Variants in KIRREL3 observed in about 807,000 individuals in gnomAD.
The protein encoded by KIRREL3 is kirre like nephrin family adhesion molecule 3.
Under a neutral mutation model 89.7 loss-of-function variants are expected in KIRREL3, and 36 were observed. That is an observed-to-expected ratio of 0.40 (90% CI 0.31 to 0.53). The LOEUF is 0.53. Among genes scored for constraint, KIRREL3 ranks in the 20% least tolerant of loss-of-function variants. The pLI is 0.49. For missense variants in KIRREL3, 864 were observed against 1,056.6 expected (o/e 0.82, Z 2.53); for synonymous variants, 445 against 441.4 (o/e 1.01, Z -0.10).
At position 126,432,936 on chromosome 11, in the gene KIRREL3, T is replaced by C. The variant is rs568771363; in HGVS notation, c.1589-1410A>G. ...CTGTGACACCCAGGCTGGAGGGCAG[T>C]GGCACGATCTCAGTTCACTGCAACC... On this transcript the variant is annotated intron_variant, in intron 13 of 16. Transcript: ENST00000525144. This position sits in a 1 kb window ranked among gnomAD's most constrained non-coding sequence, Gnocchi z 6.2. Among the ~76,000 whole-genome samples, 6 of 152,316 alleles carry C rather than the reference T, an allele frequency of 3.9e-5. No homozygotes were observed. The South Asian group carries it at 1.2e-3, about 32-fold the overall frequency.
At position 126,876,420 on chromosome 11, in the gene KIRREL3, C is replaced by T. The variant is rs1157745419; in HGVS notation, c.55+124035G>A. Among the ~76,000 whole-genome samples the T allele has an allele frequency of 6.6e-6, 1 of 152,094 alleles. No homozygotes were observed. Among genetic ancestry groups the T allele is most frequent in the Non-Finnish European group, 1.5e-5 (1 of 68,024 alleles). On this transcript the variant is annotated intron_variant, in intron 1 of 16. Transcript: ENST00000525144. This position sits in a 1 kb window ranked among gnomAD's most constrained non-coding sequence, Gnocchi z 4.1. The stretch of plus-strand genomic sequence containing the variant: ...TGGATAATTTCATCCTACAGCACAC[C>T]CAGGGAGAAAGAAGCCACATAGCTG...
rs992090549 is a variant in KIRREL3, at chr11:127,000,748, C to T, written c.-239G>A. On this transcript the variant is annotated 5_prime_UTR_variant, in exon 1 of 17. Transcript: ENST00000525144. The surrounding 1 kb of genome is among the most constrained non-coding windows in gnomAD (Gnocchi z 7.1). ...AAGCCGGGATTGTCAGCAATGTCCC[C>T]ACTCGGAGAAGATCCATTCTCTGGC... 5.6e-6 allele frequency: 3 copies of T among 532,524 alleles called. No homozygotes were observed. The highest frequency in any genetic ancestry group is 6.6e-6 in the Non-Finnish European group (2 of 301,810). The allele number at this position is 532,524 out of a possible 1,614,324, so 33.0% of individuals were successfully genotyped here. A position where few individuals can be genotyped will look rare whatever the true frequency, so the allele number is the denominator to read the frequency against.
Position 126,682,386 on chromosome 11 carries a change from C to T in KIRREL3, c.56-119474G>A, listed in dbSNP as rs537619608. ...AAAATGAGGATGATAATATCCTCCT[C>T]CCAGTGTTGCTGGGAGGATGAAGTG... On this transcript the variant is annotated intron_variant, in intron 1 of 16. Transcript: ENST00000525144. This position sits in a 1 kb window ranked among gnomAD's most constrained non-coding sequence, Gnocchi z 4.8. Among the ~76,000 whole-genome samples the T allele has an allele frequency of 1.2e-3, 178 of 152,266 alleles. 4 individuals carry two copies. In the South Asian group the frequency reaches 0.027, roughly 23 times the overall value.
chr11:126,559,990 T>A (rs2134574867), intron 2 of KIRREL3, among the ~76,000 whole-genome samples: 1 of 152,292 alleles, frequency 6.6e-6, no homozygotes, highest in East Asian at 1.9e-4. Flanking sequence ...GCTTGTGTCT[T>A]ATTTTTATAG....
intron 1 of KIRREL3, among the ~76,000 whole-genome samples, chr11:126,658,372 G>A (rs1945249423): frequency 6.6e-6 from 1 of 152,160 alleles, no homozygotes; most frequent in South Asian, 2.1e-4. Flanking sequence ...AAGCACAGAT[G>A]CAGTGACTAA....
chr11:126,475,396 C>T lies in KIRREL3; in HGVS notation c.434-1930G>A, dbSNP rs1009592756. Among the ~76,000 whole-genome samples the T allele has an allele frequency of 3.9e-5, 6 of 152,184 alleles. No homozygotes were observed. The highest frequency in any genetic ancestry group is 3.9e-4 in the East Asian group (2 of 5,186). On this transcript the variant is annotated intron_variant, in intron 4 of 16. Coordinates refer to ENST00000525144, the MANE Select transcript of KIRREL3 (RefSeq NM_032531.4). The surrounding 1 kb of genome is among the most constrained non-coding windows in gnomAD (Gnocchi z 7.5). ...AGGGACAGGAAGCCCCAGTGGGGGC[C>T]GGTAAGAAGCCAAGAAGCAAACCTT...
In KIRREL3 at chr11:126,574,323, C is replaced by T. The variant is rs533929603; in HGVS notation, c.56-11411G>A. On this transcript the variant is annotated intron_variant, in intron 1 of 16. Coordinates refer to ENST00000525144, the MANE Select transcript of KIRREL3 (RefSeq NM_032531.4). The surrounding 1 kb of genome is among the most constrained non-coding windows in gnomAD (Gnocchi z 5.3). The stretch of plus-strand genomic sequence containing the variant: ...AACTCCCCCACCTCCTTCAGAGCCC[C>T]ATATCCAAGCTGGTGGCCCAGCAAC... 4.6e-5 allele frequency among the ~76,000 whole-genome samples: 7 copies of T among 152,202 alleles called. 1 individual carries two copies. In the South Asian group the frequency reaches 1.0e-3, roughly 23 times the overall value.
chr11:126,997,393 A>G lies in KIRREL3; in HGVS notation c.55+3062T>C, dbSNP rs1330045190. On this transcript the variant is annotated intron_variant, in intron 1 of 16. Coordinates refer to ENST00000525144, the MANE Select transcript of KIRREL3 (RefSeq NM_032531.4). The surrounding 1 kb of genome is among the most constrained non-coding windows in gnomAD (Gnocchi z 4.3). ...CAAGGGAGAAGCCCACAAGCAGTAC[A>G]CACTGGCAGCTCTCCATTCCCTTGT... Among the ~76,000 whole-genome samples, 2 of 152,170 alleles carry G rather than the reference A, an allele frequency of 1.3e-5. No homozygotes were observed. Among genetic ancestry groups the G allele is most frequent in the Admixed American group, 6.5e-5 (1 of 15,286 alleles).
At chr11:126,445,299 C>T (rs1164206835) in intron 9 of KIRREL3, among the ~76,000 whole-genome samples, 194 bp from the exon 10 acceptor site, 1 of 152,214 alleles carries the variant, frequency 6.6e-6, no homozygotes, top group Non-Finnish European at 1.5e-5. Context: ...ACAGAGGAGA[C>T]TGTACCAGCA....
chr11:126,861,215 G>A (rs974518292), intron 1 of KIRREL3, among the ~76,000 whole-genome samples: 6 of 152,148 alleles, frequency 3.9e-5, no homozygotes, highest in Non-Finnish European at 7.4e-5. Context: ...TTAGGCTGCA[G>A]GCAGGAAAAC....
chr11:126,713,121 C>T (rs994934450), intron 1 of KIRREL3, among the ~76,000 whole-genome samples: 5 of 152,278 alleles, frequency 3.3e-5, no homozygotes, highest in Admixed American at 3.3e-4. Flanking sequence ...TGTGGAAGCC[C>T]ACATTGCTGA....
rs1346221254 is a variant in KIRREL3, at chr11:126,615,638, C to T, written c.56-52726G>A. On this transcript the variant is annotated intron_variant, in intron 1 of 16. Coordinates refer to ENST00000525144, the MANE Select transcript of KIRREL3 (RefSeq NM_032531.4). The surrounding 1 kb of genome is among the most constrained non-coding windows in gnomAD (Gnocchi z 5.4). ...GCAATAAGTATGGATTGAGTTAGGA[C>T]AGTCCCAGATGATGATGGAGCCAGG... 6.6e-6 allele frequency among the ~76,000 whole-genome samples: 1 copy of T among 152,142 alleles called. No individual in the cohort carries two copies. The highest frequency in any genetic ancestry group is 2.4e-5 in the African/African-American group (1 of 41,436).
chr11:126,698,818 G>A (rs1049365092), intron 1 of KIRREL3, among the ~76,000 whole-genome samples: 1 of 152,238 alleles, frequency 6.6e-6, no homozygotes, highest in African/African-American at 2.4e-5. Context: ...TTCCAGAGAA[G>A]ACAGGTGGCC....
intron 1 of KIRREL3, among the ~76,000 whole-genome samples, chr11:126,654,433 G>A (rs952699406): frequency 6.6e-6 from 1 of 150,774 alleles, no homozygotes; most frequent in Admixed American, 6.6e-5. Flanking sequence ...CCAGGCATCT[G>A]CCTCTGAAAT....
rs1951250749 is a variant in KIRREL3 at position 126,807,783 on chromosome 11, T to C, written c.55+192672A>G. Among the ~76,000 whole-genome samples, 1 of 152,234 alleles carries C rather than the reference T, an allele frequency of 6.6e-6. No individual in the cohort carries two copies. On this transcript the variant is annotated intron_variant, in intron 1 of 16. Transcript: ENST00000525144. This position sits in a 1 kb window ranked among gnomAD's most constrained non-coding sequence, Gnocchi z 4.3. ...GGTTGGAGAGTCCTTTAATGGGTGC[T>C]GCTGATGGCTATCGCTGATGTAGTG...
chr11:126,505,009 C>G (rs1424082044), intron 4 of KIRREL3, among the ~76,000 whole-genome samples: 1 of 152,052 alleles, frequency 6.6e-6, no homozygotes, highest in Non-Finnish European at 1.5e-5. Flanking sequence ...CTTCCTCAAC[C>G]TGATATAGGT....
At chr11:126,457,295 A>C in intron 6 of KIRREL3, among the ~76,000 whole-genome samples, 1 of 144,946 alleles carries the variant, frequency 6.9e-6, no homozygotes. Context: ...GTATGTGTGT[A>C]TGCGTGTGTA....
At chr11:126,449,881 A>C (rs1030906439) in intron 7 of KIRREL3, among the ~76,000 whole-genome samples, 1 of 152,184 alleles carries the variant, frequency 6.6e-6, no homozygotes, top group African/African-American at 2.4e-5. Context: ...CCTGGATGGC[A>C]CTTGCTCTTC....
rs557168145 is a variant in KIRREL3 at position 126,869,813 on chromosome 11, A to G, written c.55+130642T>C. Among the ~76,000 whole-genome samples, 39 of 152,282 alleles carry G rather than the reference A, an allele frequency of 2.6e-4. 1 individual carries two copies. The highest frequency in any genetic ancestry group is 8.3e-4 in the South Asian group (4 of 4,810). On this transcript the variant is annotated intron_variant, in intron 1 of 16. Coordinates refer to ENST00000525144, the MANE Select transcript of KIRREL3 (RefSeq NM_032531.4). ...TAAGTGTTCGCTGAATCACTTTCTAATTGGATCCAGTTAAGCAGAAGAAAA... is the reference window on the plus strand; with the variant it reads ...TAAGTGTTCGCTGAATCACTTTCTAGTTGGATCCAGTTAAGCAGAAGAAAA...
Sources: gnomAD v4.1 joint callset for allele counts (sites outside exome capture counted in the v4.1 genomes callset) on GRCh38, gnomAD v4.1.1 for gene constraint, Gnocchi (gnomAD v3.1) non-coding constraint, MANE v1.5 for transcripts, NCBI Gene and HGNC (gene_info 2026-07-23, HGNC 2026-07-21) for gene names.